The following ATP10A variants were observed in gnomAD, a reference collection of about 807,000 sequenced individuals.
ATP10A encodes ATPase phospholipid transporting 10A (putative), also known as phospholipid-transporting ATPase VA.
ATP10A carries 111 observed loss-of-function variants against 147.8 expected under a neutral mutation model. That is an observed-to-expected ratio of 0.75 (90% CI 0.64 to 0.88). The LOEUF (loss-of-function observed/expected upper bound fraction) is 0.88. Among genes scored for constraint, ATP10A ranks in the 40% least tolerant of loss-of-function variants. The probability of loss-of-function intolerance (pLI) is 0.00; values close to 1 mark genes in which losing one functional copy is unlikely to be tolerated. For missense variants in ATP10A, 1,927 were observed against 1,959.0 expected (o/e 0.98, Z 0.31); for synonymous variants, 875 against 841.6 (o/e 1.04, Z -0.69).
intron 1 of ATP10A, among the ~76,000 whole-genome samples, chr15:25,826,980 C>T (rs1313231571): frequency 1.3e-5 from 2 of 152,040 alleles, no homozygotes; most frequent in Non-Finnish European, 2.9e-5. Flanking sequence ...ACCCTACATT[C>T]GGTAATGAAC....
chr15:25,789,565 A>AGTTGTGTGTGTGTGT (rs1555470191), intron 1 of ATP10A, among the ~76,000 whole-genome samples: 1 of 141,442 alleles, frequency 7.1e-6, no homozygotes, highest in East Asian at 2.0e-4. Flanking sequence ...CCAATAAAGA[A>AGTTGTGTGTGTGTGT]GTGTGTGTGT....
At chr15:25,698,633 GT>G (rs1900488022) in intron 13 of ATP10A, among the ~76,000 whole-genome samples, 1 of 152,250 alleles carries the variant, frequency 6.6e-6, no homozygotes, top group South Asian at 2.1e-4. Context: ...ACCCCTACGT[GT>G]TCAAGGGTCA....
chr15:25,729,856 C>G (rs1465034740), intron 3 of ATP10A, among the ~76,000 whole-genome samples: 1 of 152,164 alleles, frequency 6.6e-6, no homozygotes, highest in African/African-American at 2.4e-5. Context: ...AGGAGCTGCT[C>G]ATGTCCTATC....
chr15:25,757,897 CT>C (rs1888520178), intron 2 of ATP10A, among the ~76,000 whole-genome samples: 1 of 63,892 alleles, frequency 1.6e-5, no homozygotes, highest in African/African-American at 5.7e-5. Flanking sequence ...TAACTCATTC[CT>C]ATCACCTGCT....
In ATP10A at chr15:25,723,963, C is replaced by A; in HGVS notation, c.1038G>T (p.Lys346Asn). The A allele has an allele frequency of 6.2e-7, 1 of 1,610,736 alleles. No individual in the cohort carries two copies. The highest frequency in any genetic ancestry group is 8.5e-7 in the Non-Finnish European group (1 of 1,178,816). The part of the protein sequence containing the change: ...QEKKSLFYVP[K>N]SDGSSLSPVT... ...CTGGGGATAAGGAGCTTCCATCAGA[C>A]TTGGGGACATAAAATAATGACTTCT... The change falls in exon 6 of 21, where the codon AAG becomes AAT. Residue 346 changes from lysine (K) to asparagine (N), a missense_variant. Physicochemically the swap from Lys to Asn is moderately conservative, Grantham distance 94. Transcript: ENST00000555815.
intron 1 of ATP10A, among the ~76,000 whole-genome samples, chr15:25,814,731 C>T (rs916395475): frequency 3.3e-5 from 5 of 152,112 alleles, no homozygotes; most frequent in African/African-American, 9.7e-5. Flanking sequence ...CTTAAGCTAC[C>T]GTGCATTGCC....
chr15:25,797,749 C>T (rs1211471709), intron 1 of ATP10A, among the ~76,000 whole-genome samples: 2 of 152,096 alleles, frequency 1.3e-5, no homozygotes, highest in African/African-American at 4.8e-5. Context: ...TCTTTTGGGG[C>T]AGGCACATCA....
chr15:25,722,032 T>A, intron 6 of ATP10A, 123 bp from the exon 7 acceptor site: 1 of 1,069,210 alleles, frequency 9.4e-7, no homozygotes, highest in Non-Finnish European at 1.3e-6. Flanking sequence ...ACTGTACCTT[T>A]AAGAGAGCTT....
In ATP10A at chr15:25,781,331, G is replaced by C. The variant is rs142685321; in HGVS notation, c.450-108C>G. On this transcript the variant is annotated intron_variant, in intron 1 of 20. Transcript: ENST00000555815. ...GGCAATTCTTTCTACATTTGCATAG[G>C]CTGAAAATTTTGATAATAAACAGGT... The C allele has an allele frequency of 3.5e-5, 34 of 965,710 alleles. 1 individual carries two copies. In the African/African-American group the frequency reaches 5.3e-4, roughly 15 times the overall value. 59.8% of individuals were successfully genotyped at this position (965,710 alleles called of 1,614,324 possible).
At position 25,781,167 on chromosome 15, in the gene ATP10A, A is replaced by C; in HGVS notation, c.506T>G (p.Val169Gly). Residue 169 changes from valine to glycine, a missense_variant, in exon 2 of 21, where the codon GTG becomes GGG. Physicochemically the swap from Val to Gly is moderately radical, Grantham distance 109. Transcript: ENST00000555815. ...FWKEIHVGDF[V>G]RLRCNEIFPA... ...GAAGATTTCGTTGCAGCGAAGACGC[A>C]CAAAGTCTCCCACGTGGATTTCTTT... 1.2e-6 allele frequency: 2 copies of C among 1,614,228 alleles called. No homozygotes were observed. Among genetic ancestry groups the C allele is most frequent in the Non-Finnish European group, 1.7e-6 (2 of 1,180,036 alleles).
At chr15:25,676,964 T>C (rs1043772433), downstream of ATP10A, among the ~76,000 whole-genome samples, 1 of 152,188 alleles carries the variant, frequency 6.6e-6, no homozygotes, top group Non-Finnish European at 1.5e-5. Context: ...ACTCATTCTT[T>C]GATTCTTCAA....
chr15:25,816,236 TTTG>T (rs1199979199), intron 1 of ATP10A, among the ~76,000 whole-genome samples: 4 of 49,444 alleles, frequency 8.1e-5, no homozygotes, highest in Admixed American at 4.5e-4. Context: ...TTTATTTTGC[TTTG>T]TTTTTTTTGA....
At chr15:25,848,780 C>T in intron 1 of ATP10A, 1 of 153,702 alleles carries the variant, frequency 6.5e-6, no homozygotes. Context: ...TAAGGTGGCA[C>T]CATCAGCTGA....
intron 1 of ATP10A, among the ~76,000 whole-genome samples, chr15:25,845,330 G>GAT (rs1555479794): frequency 6.7e-6 from 1 of 148,660 alleles, no homozygotes; most frequent in Non-Finnish European, 1.5e-5. Context: ...GTTTGTGTGT[G>GAT]TGTGTGTGTG....
At chr15:25,700,209 T>C (rs78047498) in intron 13 of ATP10A, among the ~76,000 whole-genome samples, 1,785 of 152,290 alleles carry the variant, frequency 0.012, 64 homozygotes, top group East Asian at 0.091. Context: ...TTAGAGGGGC[T>C]AGCAGAAAAA....
chr15:25,851,568 A>G (rs1893298585), intron 1 of ATP10A, among the ~76,000 whole-genome samples: 2 of 152,194 alleles, frequency 1.3e-5, no homozygotes, highest in Non-Finnish European at 2.9e-5. Flanking sequence ...CCATTTCCCC[A>G]GAATGCTTCT....
intron 17 of ATP10A, among the ~76,000 whole-genome samples, chr15:25,681,880 C>G (rs1022848070): frequency 6.6e-6 from 1 of 151,976 alleles, no homozygotes; most frequent in Non-Finnish European, 1.5e-5. Flanking sequence ...GGTGAAACCC[C>G]GTCTCTACTA....
At chr15:25,687,559 G>A (rs1899761391) in intron 16 of ATP10A, 144 bp downstream of exon 16, 1 of 594,332 alleles carries the variant, frequency 1.7e-6, no homozygotes, top group Non-Finnish European at 2.4e-6. Flanking sequence ...GCCCAGGACA[G>A]GGGACAATTA....
At chr15:25,740,735 T>C (rs762240506) in intron 2 of ATP10A, among the ~76,000 whole-genome samples, 18 of 152,252 alleles carry the variant, frequency 1.2e-4, no homozygotes, top group Non-Finnish European at 2.2e-4. Context: ...CCACCTGCTA[T>C]GGGCCTGTTT....
Sources: gnomAD v4.1 joint callset for allele counts (sites outside exome capture counted in the v4.1 genomes callset) on GRCh38, gnomAD v4.1.1 for gene constraint, MANE v1.5 for transcripts, NCBI Gene and HGNC (gene_info 2026-07-23, HGNC 2026-07-21) for gene names.